STOX1: variants seen among roughly 807,000 people sequenced by gnomAD.
STOX1 encodes the protein storkhead box 1.
In STOX1, 57 loss-of-function variants were observed where a neutral mutation model predicts 74.8. The ratio of observed to expected loss-of-function variants is 0.76; its 90% CI spans 0.62 to 0.95. The LOEUF (loss-of-function observed/expected upper bound fraction) is 0.95. Among genes scored for constraint, STOX1 ranks in the 40% least tolerant of loss-of-function variants. The probability of loss-of-function intolerance (pLI) is 0.00; values close to 1 mark genes in which losing one functional copy is unlikely to be tolerated. For missense variants in STOX1, 1,010 were observed against 1,117.0 expected (o/e 0.90, Z 1.37); for synonymous variants, 375 against 401.3 (o/e 0.93, Z 0.78).
At chr10:68,859,078 C>A (rs1394630607) in intron 1 of STOX1, among the ~76,000 whole-genome samples, 6 of 152,080 alleles carry the variant, frequency 3.9e-5, no homozygotes, top group African/African-American at 1.5e-4. Flanking sequence ...CAGCAACTTT[C>A]TTCAGCAAAT....
rs373094820 is a variant in STOX1 at position 68,884,830 on chromosome 10, G to C, written c.1034G>C (p.Arg345Pro). The change falls in exon 3 of 4, where the codon CGA becomes CCA. Residue 345 changes from arginine (R) to proline (P), a missense_variant. Physicochemically the swap from Arg to Pro is moderately radical, Grantham distance 103. Transcript: ENST00000298596. The stretch of plus-strand genomic sequence containing the variant: ...TTCCCACCTGAAGAATGGCCCGTCC[G>C]AGATGAAGATGACTTGGACAATATC... ...AQFPPEEWPVRDEDDLDNIPR... is the reference protein window; with the variant it reads ...AQFPPEEWPVPDEDDLDNIPR... 1.2e-6 allele frequency: 2 copies of C among 1,614,044 alleles called. No individual in the cohort carries two copies. The highest frequency in any genetic ancestry group is 1.7e-6 in the Non-Finnish European group (2 of 1,180,036).
At chr10:68,842,230 G>C (rs145547253) in intron 1 of STOX1, among the ~76,000 whole-genome samples, 1 of 152,192 alleles carries the variant, frequency 6.6e-6, no homozygotes, top group South Asian at 2.1e-4. Flanking sequence ...AAGGGGCAGA[G>C]TTTGGACATC....
chr10:68,847,613 T>C (rs529627240), intron 1 of STOX1, among the ~76,000 whole-genome samples: 1 of 152,146 alleles, frequency 6.6e-6, no homozygotes, highest in African/African-American at 2.4e-5. Context: ...TTTCACTATG[T>C]TGGCTGGGCT....
At chr10:68,868,697 C>T (rs1057109734) in intron 1 of STOX1, among the ~76,000 whole-genome samples, 1 of 152,166 alleles carries the variant, frequency 6.6e-6, no homozygotes, top group Non-Finnish European at 1.5e-5. Context: ...AAAGAAAAGT[C>T]AGAATTGGCC....
chr10:68,893,239 A>G (rs1467326922), downstream of STOX1, among the ~76,000 whole-genome samples: 1 of 152,224 alleles, frequency 6.6e-6, no homozygotes, highest in African/African-American at 2.4e-5. Flanking sequence ...TTACCAAGAA[A>G]GAGTTTACAT....
At chr10:68,886,660 G>A (rs754124312) in intron 3 of STOX1, 42 bp downstream of exon 3, 7 of 1,581,520 alleles carry the variant, frequency 4.4e-6, no homozygotes, top group Non-Finnish European at 6.1e-6. Flanking sequence ...CGGGCGCAGT[G>A]GCTCATGCCT....
chr10:68,847,847 T>G (rs1382842732), intron 1 of STOX1, among the ~76,000 whole-genome samples: 2 of 152,138 alleles, frequency 1.3e-5, no homozygotes, highest in Non-Finnish European at 2.9e-5. Flanking sequence ...TTCTCCTGCC[T>G]CAGCCTCCCA....
intron 1 of STOX1, among the ~76,000 whole-genome samples, chr10:68,849,978 G>C (rs1839943135): frequency 6.6e-6 from 1 of 152,112 alleles, no homozygotes; most frequent in Non-Finnish European, 1.5e-5. Flanking sequence ...AATAGCATTT[G>C]GGGATGGGGC....
At chr10:68,889,854 G>A (rs907188468) in intron 3 of STOX1, among the ~76,000 whole-genome samples, 8 of 151,840 alleles carry the variant, frequency 5.3e-5, no homozygotes, top group African/African-American at 1.7e-4. Flanking sequence ...GAGCCACTGC[G>A]CCTGGCCTCA....
At chr10:68,834,258 C>T (rs1028967960) in intron 1 of STOX1, among the ~76,000 whole-genome samples, 28 of 152,158 alleles carry the variant, frequency 1.8e-4, no homozygotes, top group African/African-American at 6.8e-4. Flanking sequence ...TCTGCACTAA[C>T]GCTAGATGTT....
At chr10:68,880,925 C>T (rs180796919) in intron 1 of STOX1, among the ~76,000 whole-genome samples, 59 of 152,288 alleles carry the variant, frequency 3.9e-4, no homozygotes, top group African/African-American at 1.3e-3. Flanking sequence ...AACTCCTGAC[C>T]TCGGGTGATC....
intron 1 of STOX1, among the ~76,000 whole-genome samples, chr10:68,855,660 G>C (rs1188081723): frequency 6.6e-6 from 1 of 151,450 alleles, no homozygotes; most frequent in Non-Finnish European, 1.5e-5. Flanking sequence ...ACCCAGGCTG[G>C]TCTCTAACTC....
intron 1 of STOX1, among the ~76,000 whole-genome samples, chr10:68,877,332 CAGTGTT>C (rs1045510129): frequency 2.6e-5 from 4 of 152,188 alleles, no homozygotes; most frequent in African/African-American, 9.6e-5. Context: ...ATTTGGCAAA[CAGTGTT>C]AGGGTTGTTT....
chr10:68,851,858 G>C (rs528811256), intron 1 of STOX1, among the ~76,000 whole-genome samples: 2 of 152,162 alleles, frequency 1.3e-5, no homozygotes, highest in Admixed American at 1.3e-4. Context: ...AAACAGCCGG[G>C]CGTGTTGGCT....
At chr10:68,863,107 T>C (rs1192877194) in intron 1 of STOX1, among the ~76,000 whole-genome samples, 1 of 152,088 alleles carries the variant, frequency 6.6e-6, no homozygotes, top group African/African-American at 2.4e-5. Flanking sequence ...AACAGTTCCT[T>C]CTTCATGTGG....
chr10:68,832,191 G>C (rs772053890), intron 1 of STOX1, among the ~76,000 whole-genome samples: 6 of 152,180 alleles, frequency 3.9e-5, no homozygotes, highest in Non-Finnish European at 8.8e-5. Context: ...CTGCAGGGAG[G>C]TGGGGCACCT....
rs1447724253 is a variant in STOX1 at position 68,884,473 on chromosome 10, G to A, written c.677G>A (p.Ser226Asn). 2.5e-6 allele frequency: 4 copies of A among 1,613,838 alleles called. No homozygotes were observed. Among genetic ancestry groups the A allele is most frequent in the South Asian group, 1.1e-5 (1 of 91,080 alleles). Residue 226 changes from serine (S) to asparagine (N), a missense_variant, in exon 3 of 4, where the codon AGC (serine) becomes AAC (asparagine). By Grantham distance (46) the Ser-to-Asn change is conservative (BLOSUM62 1). Transcript: ENST00000298596. ...ATGACATATCTGGTGAGCATGGAGA[G>A]CTGTGCAGAGTCAGCCCAAGAGAAT... ...ASMTYLVSME[S>N]CAESAQENAA... is the part of the protein sequence containing the mutation.
intron 1 of STOX1, among the ~76,000 whole-genome samples, chr10:68,843,870 T>C (rs1839759339): frequency 6.6e-6 from 1 of 151,982 alleles, no homozygotes; most frequent in Admixed American, 6.5e-5. Flanking sequence ...TATTTTATTA[T>C]TTTTGGCTGG....
chr10:68,851,535 C>G (rs1003669235), intron 1 of STOX1, among the ~76,000 whole-genome samples: 1 of 151,926 alleles, frequency 6.6e-6, no homozygotes, highest in Non-Finnish European at 1.5e-5. Flanking sequence ...ACCACATGTA[C>G]CCCCCAAAAT....
Sources: gnomAD v4.1 joint callset for allele counts (sites outside exome capture counted in the v4.1 genomes callset) on GRCh38, gnomAD v4.1.1 for gene constraint, MANE v1.5 for transcripts, NCBI Gene and HGNC (gene_info 2026-07-23, HGNC 2026-07-21) for gene names.